The following KAZN variants were observed in gnomAD, a reference collection of about 807,000 sequenced individuals.
The protein encoded by KAZN is kazrin.
A neutral mutation model predicts 87.4 loss-of-function variants in KAZN; 40 were observed. The ratio of observed to expected loss-of-function variants is 0.46; its 90% CI spans 0.36 to 0.60. The LOEUF is 0.60. Ranked by LOEUF, KAZN falls within the 20% of genes least tolerant of loss-of-function variation. KAZN has a pLI of 0.00. For missense variants in KAZN, 898 were observed against 1,073.9 expected (o/e 0.84, Z 2.29); for synonymous variants, 466 against 458.3 (o/e 1.02, Z -0.22).
In KAZN at chr1:15,077,118, A is replaced by ATTAT. The variant is rs1409588633; in HGVS notation, c.1222+11366_1222+11367insTATT. ...GCTCCAGATCTTCTAGAGAAGCCAA[A>ATTAT]TATCTCACATAATACACCCCAAGTC... On this transcript the variant is annotated intron_variant, in intron 8 of 14. Coordinates refer to ENST00000376030, the MANE Select transcript of KAZN (RefSeq NM_201628.3). The surrounding 1 kb of genome is among the most constrained non-coding windows in gnomAD (Gnocchi z 4.8). Among the ~76,000 whole-genome samples, 4 of 152,210 alleles carry ATTAT rather than the reference A, an allele frequency of 2.6e-5. No individual in the cohort carries two copies.
chr1:14,051,379 G>C (rs1037913402), intron 1 of KAZN, among the ~76,000 whole-genome samples: 1 of 151,934 alleles, frequency 6.6e-6, no homozygotes, highest in Non-Finnish European at 1.5e-5. Context: ...TCCAAAGCTT[G>C]GTGAGGAGGG....
intron 6 of KAZN, chr1:15,062,024 T>C (rs1274505048): frequency 6.6e-6 from 1 of 152,212 alleles, no homozygotes; most frequent in Non-Finnish European, 1.5e-5. Context: ...CCCTGCACCA[T>C]TCTCATCCCA....
intron 2 of KAZN, among the ~76,000 whole-genome samples, chr1:14,546,774 A>T (rs1254465822): frequency 7.9e-5 from 12 of 152,216 alleles, no homozygotes; most frequent in Non-Finnish European, 1.3e-4. Flanking sequence ...AACAGATGTG[A>T]AGGATGTTTA....
rs184566449 is a variant in KAZN, at chr1:13,989,146, A to G, written c.91+95390A>G. Among the ~76,000 whole-genome samples the G allele has an allele frequency of 7.2e-5, 11 of 152,156 alleles. No homozygotes were observed. In the East Asian group the frequency reaches 1.5e-3, roughly 21 times the overall value. ...ACAAACTCGCTTCTGTGATAACAAC[A>G]TTAATCCATTCATGAAGGTTGGAGC... On this transcript the variant is annotated intron_variant, in intron 1 of 16. Transcript: ENST00000636203.
intron 13 of KAZN, among the ~76,000 whole-genome samples, chr1:15,104,684 C>T (rs1379120075): frequency 6.6e-6 from 1 of 152,132 alleles, no homozygotes; most frequent in African/African-American, 2.4e-5. Flanking sequence ...TGAAAAGTGA[C>T]CAGAGAATGA....
chr1:14,245,383 A>G (rs1649402266), intron 2 of KAZN, among the ~76,000 whole-genome samples: 1 of 152,064 alleles, frequency 6.6e-6, no homozygotes, highest in Non-Finnish European at 1.5e-5. Flanking sequence ...ACTTGACAAT[A>G]TGTCAGCTGC....
In KAZN at chr1:14,923,764, C is replaced by T. The variant is rs1658813708; in HGVS notation, c.227-36920C>T. Among the ~76,000 whole-genome samples, 1 of 152,238 alleles carries T rather than the reference C, an allele frequency of 6.6e-6. No homozygotes were observed. The highest frequency in any genetic ancestry group is 1.5e-5 in the Non-Finnish European group (1 of 68,044). On this transcript the variant is annotated intron_variant, in intron 1 of 14. Transcript: ENST00000376030. The surrounding 1 kb of genome is among the most constrained non-coding windows in gnomAD (Gnocchi z 4.2). ...CCTGCCCGCCCACTCCTTCTGACCT[C>T]TCCCGGTCAGCTGTGGGGACCTCGG...
chr1:14,629,313 G>A (rs1679386414), intron 1 of KAZN, among the ~76,000 whole-genome samples: 1 of 152,210 alleles, frequency 6.6e-6, no homozygotes, highest in South Asian at 2.1e-4. Flanking sequence ...AGAGCCTTTT[G>A]TGAACATCAG....
chr1:14,608,765 C>T (rs937649834), intron 1 of KAZN, among the ~76,000 whole-genome samples: 3 of 152,194 alleles, frequency 2.0e-5, no homozygotes, highest in Admixed American at 1.3e-4. Flanking sequence ...TAAGCTCACC[C>T]GTTGTATCAT....
intron 2 of KAZN, among the ~76,000 whole-genome samples, chr1:14,210,751 A>G (rs1646837493): frequency 7.0e-6 from 1 of 143,710 alleles, no homozygotes; most frequent in Non-Finnish European, 1.6e-5. Flanking sequence ...GTTAACATAA[A>G]TAGCATACTT....
At position 14,599,153 on chromosome 1, in the gene KAZN, CGCGGCCAGCGCCTCG is replaced by C; in HGVS notation, c.162_176del (p.Ser55_Ala59del). 1.4e-6 allele frequency: 2 copies of C among 1,395,534 alleles called. No individual in the cohort carries two copies. Among genetic ancestry groups the C allele is most frequent in the Non-Finnish European group, 1.9e-6 (2 of 1,079,014 alleles). The allele number at this position is 1,395,534 out of a possible 1,614,324, so 86.4% of individuals were successfully genotyped here. On this transcript the variant is annotated inframe_deletion, in exon 1 of 15. Coordinates refer to ENST00000376030, the MANE Select transcript of KAZN (RefSeq NM_201628.3). The surrounding 1 kb of genome is among the most constrained non-coding windows in gnomAD (Gnocchi z 4.4). ...GCGGCCCCGGCCCGGGCCCGGGAGC[CGCGGCCAGCGCCTCG>C]GCGGCGGGGGACTCGGCGGCGACGA...
rs1465526178 is a variant in KAZN at position 14,739,404 on chromosome 1, G to A, written c.226+140181G>A. Among the ~76,000 whole-genome samples the A allele has an allele frequency of 1.6e-4, 25 of 152,026 alleles. 1 individual carries two copies. Among genetic ancestry groups the A allele is most frequent in the Admixed American group, 1.5e-3 (23 of 15,268 alleles). ...GCTGGCATCGGAAGTACAAGCAAGA[G>A]ACGGGCAGTGTCCTGTGGTGGATTT... On this transcript the variant is annotated intron_variant, in intron 1 of 14. Coordinates refer to ENST00000376030, the MANE Select transcript of KAZN (RefSeq NM_201628.3).
chr1:14,836,433 G>C (rs1454358356), intron 1 of KAZN, among the ~76,000 whole-genome samples: 1 of 152,194 alleles, frequency 6.6e-6, no homozygotes, highest in Admixed American at 6.5e-5. Flanking sequence ...TGAGGGTTTT[G>C]TTGCGAGTGG....
intron 1 of KAZN, among the ~76,000 whole-genome samples, chr1:14,139,442 CT>C (rs1277678094): frequency 6.6e-6 from 1 of 152,210 alleles, no homozygotes; most frequent in Non-Finnish European, 1.5e-5. Flanking sequence ...CTTACTAATC[CT>C]TCCAAGTCTA....
At chr1:14,793,074 C>T (rs777480357) in intron 1 of KAZN, among the ~76,000 whole-genome samples, 9 of 151,726 alleles carry the variant, frequency 5.9e-5, no homozygotes, top group Non-Finnish European at 1.0e-4. Context: ...GTGTGTGTGG[C>T]ATGTTAAGGC....
intron 2 of KAZN, among the ~76,000 whole-genome samples, chr1:14,551,702 G>C (rs910215520): frequency 6.6e-6 from 1 of 152,164 alleles, no homozygotes; most frequent in Non-Finnish European, 1.5e-5. Flanking sequence ...TCACAGATTT[G>C]AGACATCTAA....
chr1:14,199,149 A>G (rs570359464), intron 2 of KAZN, among the ~76,000 whole-genome samples: 1 of 152,294 alleles, frequency 6.6e-6, no homozygotes, highest in South Asian at 2.1e-4. Context: ...CCCTGCTTAA[A>G]TACAGTGTTT....
intron 1 of KAZN, among the ~76,000 whole-genome samples, chr1:14,700,139 A>G (rs1168935435): frequency 6.6e-6 from 1 of 152,186 alleles, no homozygotes; most frequent in African/African-American, 2.4e-5. Context: ...TGGTCAAGAA[A>G]GTCTTTGAAA....
chr1:14,991,210 C>T (rs1374455449), intron 2 of KAZN, among the ~76,000 whole-genome samples: 13 of 151,932 alleles, frequency 8.6e-5, no homozygotes, highest in African/African-American at 2.9e-4. Flanking sequence ...AAAAATTATC[C>T]GGGCGTGGTG....
Sources: allele counts gnomAD v4.1 joint callset (sites outside exome capture counted in the v4.1 genomes callset), GRCh38; gene constraint gnomAD v4.1.1; non-coding constraint Gnocchi (gnomAD v3.1); transcripts MANE v1.5; gene names NCBI Gene and HGNC (gene_info 2026-07-23, HGNC 2026-07-21).